Variants in SSX1 observed in about 807,000 individuals in gnomAD.
SSX1 encodes the protein protein SSX1.
In SSX1, 58 loss-of-function variants were observed where a neutral mutation model predicts 14.6. The ratio of observed to expected loss-of-function variants is 3.96; its 90% CI spans 3.21 to 4.93. SSX1 has a LOEUF of 4.93. SSX1 is among the 30% of genes most tolerant of loss of function. SSX1 has a pLI of 0.00. For synonymous variants in SSX1, 46 were observed against 52.1 expected, an observed-to-expected ratio of 0.88 and a Z score of 0.50; for missense variants, 272 against 143.1, an observed-to-expected ratio of 1.90 and a Z score of -4.60.
At chrX:48,256,182 G>T (rs1556934283) in intron 1 of SSX1, among the ~76,000 whole-genome samples, 1 of 83,031 alleles carries the variant, frequency 1.2e-5, no homozygotes, top group Non-Finnish European at 2.4e-5. Context: ...GTTATTATTA[G>T]TAGTAGAAAT....
chrX:48,256,320 T>A (rs1398489178), intron 1 of SSX1, among the ~76,000 whole-genome samples: 10 of 107,768 alleles, frequency 9.3e-5, no homozygotes, highest in South Asian at 8.1e-4. Flanking sequence ...ATTTTATTTT[T>A]TTTAGTAGAG....
At position 48,267,336 on chromosome X, in the gene SSX1, A is replaced by G. The variant is rs186981217; in HGVS notation, c.*487A>G. The G allele has an allele frequency of 1.0e-4, 20 of 191,940 alleles. No homozygotes were observed. The highest frequency in any genetic ancestry group is 4.8e-4 in the African/African-American group (15 of 31,419). The allele number at this position is 191,940 out of a possible 1,213,427, so 15.8% of individuals were successfully genotyped here. A position where few individuals can be genotyped will look rare whatever the true frequency, so the allele number is the denominator to read the frequency against. Reference sequence around the variant, plus strand: ...TCTCCCATCTGCTTTTCCCATTGCCATGCGTCCTGGTCAAGCCCCCCTCAC... The same window carrying G: ...TCTCCCATCTGCTTTTCCCATTGCCGTGCGTCCTGGTCAAGCCCCCCTCAC... On this transcript the variant is annotated 3_prime_UTR_variant, in exon 8 of 8. Transcript: ENST00000376919.
At chrX:48,263,219 C>A (rs782508577) in intron 5 of SSX1, among the ~76,000 whole-genome samples, 2 of 111,146 alleles carry the variant, frequency 1.8e-5, no homozygotes, top group South Asian at 7.7e-4. Flanking sequence ...TCACTGAATT[C>A]CACATTCAAT....
Position 48,263,859 on chromosome X carries a change from GA to G in SSX1, c.411del (p.Lys137AsnfsTer39). On this transcript the variant is annotated frameshift_variant, in exon 6 of 8. Coordinates refer to ENST00000376919, the MANE Select transcript of SSX1 (RefSeq NM_005635.4). LOFTEE classifies it high-confidence loss of function. ...SEASGPQNDGKQLHPPGKANI... is the reference protein window; with the variant it reads ...SEASGPQNDGXQLHPPGKANI... ...AAGCATCTGGCCCACAAAACGATGG[GA>G]AACAACTGCACCCCCCAGGAAAAGC... The G allele has an allele frequency of 1.7e-6, 2 of 1,211,648 alleles. No homozygotes were observed. The highest frequency in any genetic ancestry group is 2.2e-6 in the Non-Finnish European group (2 of 895,387).
intron 4 of SSX1, among the ~76,000 whole-genome samples, chrX:48,260,010 T>C (rs74624601): frequency 0.35 from 33,246 of 94,938 alleles, 6,095 homozygotes; most frequent in Non-Finnish European, 0.4. Flanking sequence ...AGTTCTAGAT[T>C]CCTGAGGAAT....
At chrX:48,257,028 T>C (rs5953208) in intron 1 of SSX1, among the ~76,000 whole-genome samples, 194 bp from the exon 2 acceptor site, 7,188 of 110,859 alleles carry the variant, frequency 0.065, 289 homozygotes, top group East Asian at 0.25. Flanking sequence ...CAAGCAATAC[T>C]TCTCCCAGAG....
In SSX1 at chrX:48,257,652, T is replaced by C. The variant is rs1569450812; in HGVS notation, c.70-94T>C. On this transcript the variant is annotated intron_variant, in intron 2 of 7. Coordinates refer to ENST00000376919, the MANE Select transcript of SSX1 (RefSeq NM_005635.4). ...CATCAACCAGGACGGATTATCATCC[T>C]CACTTCCCAGATCCAGCACACAGGA... The C allele has an allele frequency of 4.4e-6, 5 of 1,135,097 alleles. No individual in the cohort carries two copies. The Admixed American group carries it at 7.8e-5, about 18-fold the overall frequency. 93.5% of individuals were successfully genotyped at this position (1,135,097 alleles called of 1,213,427 possible).
Position 48,257,218 on chromosome X carries a change from GC to G in SSX1, c.-20-3del, listed in dbSNP as rs1556934498. On this transcript the variant is annotated splice_polypyrimidine_tract_variant and splice_region_variant and intron_variant, in intron 1 of 7. Coordinates refer to ENST00000376919, the MANE Select transcript of SSX1 (RefSeq NM_005635.4). ...TAGAAAGTCTCAGGCTGTTTCTCTTGCAGGTGAGACTGCTCCTGGTGCCATG... is the reference window on the plus strand; with the variant it reads ...TAGAAAGTCTCAGGCTGTTTCTCTTGAGGTGAGACTGCTCCTGGTGCCATG... 1 of 1,209,119 alleles carries G rather than the reference GC, an allele frequency of 8.3e-7. No individual in the cohort carries two copies. Among genetic ancestry groups the G allele is most frequent in the African/African-American group, 1.7e-5 (1 of 57,803 alleles).
rs782023583 is a variant in SSX1 at position 48,263,870 on chromosome X, ACC to A, written c.424_425del (p.Pro142ArgfsTer7). On this transcript the variant is annotated frameshift_variant, in exon 6 of 8. Transcript: ENST00000376919. LOFTEE classifies it high-confidence loss of function. ...CCACAAAACGATGGGAAACAACTGC[ACC>A]CCCCAGGAAAAGCAAATATTTCTGA... 1 of 1,211,167 alleles carries A rather than the reference ACC, an allele frequency of 8.3e-7. No individual in the cohort carries two copies. The highest frequency in any genetic ancestry group is 1.8e-5 in the South Asian group (1 of 56,914).
chrX:48,264,263 G>T (rs183275599), intron 6 of SSX1, among the ~76,000 whole-genome samples: 1 of 112,181 alleles, frequency 8.9e-6, no homozygotes, highest in Non-Finnish European at 1.9e-5. Context: ...GATTCTATCT[G>T]TGATAACCTG....
In SSX1 at chrX:48,257,849, T is replaced by C. The variant is rs782178412; in HGVS notation, c.173T>C (p.Met58Thr). 8.3e-5 allele frequency: 97 copies of C among 1,170,603 alleles called. No individual in the cohort carries two copies. The highest frequency in any genetic ancestry group is 6.7e-5 in the Non-Finnish European group (58 of 865,010). ...YVYMKRNYKA[M>T]TKLGFKVTLP... ...TATATGAAGAGAAACTATAAGGCCATGACTAAACTAGGTAACAGAAAGTTC... is the reference window on the plus strand; with the variant it reads ...TATATGAAGAGAAACTATAAGGCCACGACTAAACTAGGTAACAGAAAGTTC... The change falls in exon 3 of 8, where the codon ATG becomes ACG. Residue 58 changes from methionine (M) to threonine (T), a missense_variant. By Grantham distance (81) the Met-to-Thr change is moderately conservative. Coordinates refer to ENST00000376919, the MANE Select transcript of SSX1 (RefSeq NM_005635.4).
At chrX:48,256,274 G>A (rs2059580897) in intron 1 of SSX1, among the ~76,000 whole-genome samples, 1 of 108,320 alleles carries the variant, frequency 9.2e-6, no homozygotes, top group African/African-American at 3.4e-5. Context: ...AACTACAGGC[G>A]AGCACCACCC....
At chrX:48,258,503 C>T in intron 3 of SSX1, 33 bp from the exon 4 acceptor site, 1 of 1,104,665 alleles carries the variant, frequency 9.1e-7, no homozygotes, top group Non-Finnish European at 1.3e-6. Context: ...CTAAGTTTGT[C>T]CCTTAAGGAA....
chrX:48,258,160 A>C (rs1275068908), intron 3 of SSX1, among the ~76,000 whole-genome samples: 1 of 85,880 alleles, frequency 1.2e-5, no homozygotes, highest in East Asian at 3.6e-4. Context: ...TCCTCCTCTC[A>C]GCTTGTCTCT....
intron 4 of SSX1, among the ~76,000 whole-genome samples, chrX:48,259,928 T>TTA (rs1448028853): frequency 9.6e-6 from 1 of 103,904 alleles, no homozygotes; most frequent in African/African-American, 3.5e-5. Flanking sequence ...GCATGTGTCT[T>TTA]TATAGCAGCA....
chrX:48,265,472 A>C (rs1218964496), intron 6 of SSX1, among the ~76,000 whole-genome samples: 1 of 111,902 alleles, frequency 8.9e-6, no homozygotes, highest in Non-Finnish European at 1.9e-5. Flanking sequence ...CAAGAAAAGG[A>C]AAAGAGATGG....
intron 3 of SSX1, among the ~76,000 whole-genome samples, chrX:48,258,147 C>T (rs1318041032): frequency 1.9e-5 from 2 of 104,170 alleles, no homozygotes; most frequent in Non-Finnish European, 3.9e-5. Flanking sequence ...TCCCACCCTA[C>T]CTTCCTCCTC....
rs781913147 is a variant in SSX1, at chrX:48,258,622, A to G, written c.271A>G (p.Arg91Gly). ...TGATTTTGATAATGACCATAACCGC[A>G]GGATTCAGGGTGAGTAGATGGGAAG... ...GNDFDNDHNRRIQVEHPQMTF... is the reference protein window; with the variant it reads ...GNDFDNDHNRGIQVEHPQMTF... Residue 91 changes from arginine to glycine, a missense_variant, in exon 4 of 8, where the codon AGG (arginine) becomes GGG (glycine). Coordinates refer to ENST00000376919, the MANE Select transcript of SSX1 (RefSeq NM_005635.4). 2 of 1,202,411 alleles carry G rather than the reference A, an allele frequency of 1.7e-6. No homozygotes were observed. The highest frequency in any genetic ancestry group is 3.0e-5 in the East Asian group (1 of 33,734).
chrX:48,265,910 G>A (rs2059621239), intron 6 of SSX1, among the ~76,000 whole-genome samples: 2 of 111,566 alleles, frequency 1.8e-5, no homozygotes, highest in Non-Finnish European at 3.8e-5. Context: ...TAAAATTGGT[G>A]AGAATTCCCC....
Sources: allele counts gnomAD v4.1 joint callset (sites outside exome capture counted in the v4.1 genomes callset), GRCh38; gene constraint gnomAD v4.1.1; transcripts MANE v1.5; gene names NCBI Gene and HGNC (gene_info 2026-07-23, HGNC 2026-07-21).